RBPMS: variants seen among roughly 807,000 people sequenced by gnomAD.
RBPMS encodes the protein RNA-binding protein with multiple splicing.
In RBPMS, 7 loss-of-function variants were observed where a neutral mutation model predicts 26.8. The ratio of observed to expected loss-of-function variants is 0.26; its 90% CI spans 0.15 to 0.49. The LOEUF (loss-of-function observed/expected upper bound fraction) is 0.49. Among genes scored for constraint, RBPMS ranks in the 20% least tolerant of loss-of-function variants. The pLI, the probability that RBPMS is intolerant of heterozygous loss-of-function variation, is 0.98. For missense variants in RBPMS, 186 were observed against 250.0 expected, an observed-to-expected ratio of 0.74 and a Z score of 1.73; for synonymous variants, 96 against 93.3, an observed-to-expected ratio of 1.03 and a Z score of -0.17.
At chr8:30,461,611 A>G (rs940876809) in intron 1 of RBPMS, among the ~76,000 whole-genome samples, 8 of 152,050 alleles carry the variant, frequency 5.3e-5, no homozygotes, top group South Asian at 2.1e-4. Context: ...TAGCCAGGAT[A>G]GTCTTGATCT....
intron 2 of RBPMS, among the ~76,000 whole-genome samples, chr8:30,476,978 A>G (rs931416488): frequency 2.6e-5 from 4 of 152,196 alleles, no homozygotes; most frequent in African/African-American, 9.7e-5. Flanking sequence ...GTAAGTTAGC[A>G]AAGTAACTCA....
intron 4 of RBPMS, among the ~76,000 whole-genome samples, chr8:30,489,252 G>C (rs1018387968): frequency 1.4e-4 from 22 of 151,880 alleles, no homozygotes; most frequent in African/African-American, 5.3e-4. Context: ...TCTCTGTATT[G>C]CCCAGGCTGG....
At chr8:30,431,389 TTTTC>T (rs1245157681) in intron 1 of RBPMS, among the ~76,000 whole-genome samples, 4 of 151,094 alleles carry the variant, frequency 2.6e-5, no homozygotes, top group Admixed American at 6.6e-5. Flanking sequence ...TTCTTTCTTC[TTTTC>T]TTTTTCTCTT....
chr8:30,388,301 A>T (rs998318498), intron 1 of RBPMS, among the ~76,000 whole-genome samples: 2 of 151,884 alleles, frequency 1.3e-5, no homozygotes, highest in African/African-American at 4.8e-5. Flanking sequence ...ATAAAAATTG[A>T]TATATAATAG....
chr8:30,559,010 A>T (rs375599869), intron 7 of RBPMS, 54 bp downstream of exon 7: 2 of 1,455,536 alleles, frequency 1.4e-6, no homozygotes, highest in Non-Finnish European at 1.9e-6. Flanking sequence ...ACATCTGTAC[A>T]TGGTGGGTGC....
chr8:30,491,009 G>A (rs964880927), intron 4 of RBPMS, among the ~76,000 whole-genome samples: 3 of 152,168 alleles, frequency 2.0e-5, no homozygotes, highest in Non-Finnish European at 4.4e-5. Context: ...GAAGGAGGTT[G>A]CAAGCCATTT....
chr8:30,451,892 TATA>T (rs1481788746), intron 1 of RBPMS, among the ~76,000 whole-genome samples: 2 of 152,184 alleles, frequency 1.3e-5, no homozygotes, highest in African/African-American at 4.8e-5. Context: ...GAAACCATCA[TATA>T]ATGATTGTGT....
intron 5 of RBPMS, among the ~76,000 whole-genome samples, chr8:30,523,763 G>C (rs1318535743): frequency 6.6e-6 from 1 of 151,904 alleles, no homozygotes; most frequent in East Asian, 1.9e-4. Flanking sequence ...GTTAATTTCT[G>C]CTGAGTGGGT....
chr8:30,424,309 C>T (rs1442339375), intron 1 of RBPMS, among the ~76,000 whole-genome samples: 1 of 152,198 alleles, frequency 6.6e-6, no homozygotes, highest in Non-Finnish European at 1.5e-5. Context: ...AAATCCACAA[C>T]ATAGAGTTGC....
intron 7 of RBPMS, chr8:30,561,946 C>T: frequency 1.0e-6 from 1 of 985,314 alleles, no homozygotes; most frequent in Non-Finnish European, 1.2e-6. Context: ...TCTCACAGAC[C>T]CTTCAGCAAT....
At chr8:30,456,989 G>T (rs765632990) in intron 1 of RBPMS, among the ~76,000 whole-genome samples, 2 of 152,180 alleles carry the variant, frequency 1.3e-5, no homozygotes, top group Non-Finnish European at 2.9e-5. Context: ...TGGGATGTTG[G>T]TCGTATCTTT....
intron 5 of RBPMS, among the ~76,000 whole-genome samples, chr8:30,530,166 A>G (rs551228392): frequency 4.6e-5 from 7 of 152,342 alleles, no homozygotes; most frequent in Middle Eastern, 6.8e-3. Context: ...CCATTTGCCT[A>G]TTGTACAGAG....
chr8:30,479,660 A>G (rs887008656), intron 4 of RBPMS, among the ~76,000 whole-genome samples: 1 of 152,166 alleles, frequency 6.6e-6, no homozygotes, highest in African/African-American at 2.4e-5. Context: ...CATCCCATCC[A>G]ATGGTGGTGC....
chr8:30,479,280 T>A (rs760422432), intron 3 of RBPMS, 35 bp from the exon 4 acceptor site: 2 of 1,544,012 alleles, frequency 1.3e-6, no homozygotes, highest in East Asian at 2.2e-5. Flanking sequence ...CATCATCTGA[T>A]TTTTTTTCTT....
chr8:30,506,955 C>T (rs1372670571), intron 5 of RBPMS, among the ~76,000 whole-genome samples: 6 of 152,144 alleles, frequency 3.9e-5, no homozygotes, highest in Admixed American at 1.3e-4. Flanking sequence ...AAAGAGCTGT[C>T]GTTCCGGGGA....
intron 4 of RBPMS, among the ~76,000 whole-genome samples, chr8:30,483,062 T>A: frequency 6.6e-6 from 1 of 152,168 alleles, no homozygotes; most frequent in East Asian, 1.9e-4. Flanking sequence ...CCAGCAACTG[T>A]GAGGACCTCA....
At chr8:30,499,957 T>C (rs1007930082) in intron 4 of RBPMS, among the ~76,000 whole-genome samples, 55 of 152,034 alleles carry the variant, frequency 3.6e-4, no homozygotes, top group African/African-American at 1.3e-3. Context: ...AAAGGGTATA[T>C]AGGAATTATA....
chr8:30,454,634 A>G (rs1016537814), intron 1 of RBPMS, among the ~76,000 whole-genome samples: 3 of 152,216 alleles, frequency 2.0e-5, no homozygotes, highest in Admixed American at 6.5e-5. Flanking sequence ...ATAAAGAAAT[A>G]AATGTGTTGG....
At chr8:30,559,740 C>T (rs775118292) in intron 7 of RBPMS, among the ~76,000 whole-genome samples, 4 of 152,186 alleles carry the variant, frequency 2.6e-5, no homozygotes, top group Non-Finnish European at 5.9e-5. Flanking sequence ...ACAGTTCCTT[C>T]ATGAAATAGG....
Sources: gnomAD v4.1 joint callset for allele counts (sites outside exome capture counted in the v4.1 genomes callset) on GRCh38, gnomAD v4.1.1 for gene constraint, MANE v1.5 for transcripts, NCBI Gene and HGNC (gene_info 2026-07-23, HGNC 2026-07-21) for gene names.